Variants in RNF217 observed in about 807,000 individuals in gnomAD.
RNF217 encodes ring finger protein 217.
RNF217 carries 31 observed loss-of-function variants against 57.8 expected under a neutral mutation model. The observed-to-expected ratio is 0.54, with a 90% confidence interval of 0.40 to 0.72. The LOEUF is 0.72. Ranked by LOEUF, RNF217 falls within the 30% of genes least tolerant of loss-of-function variation. The pLI is 0.00. For missense variants in RNF217, 696 were observed against 708.3 expected (o/e 0.98, Z 0.20); for synonymous variants, 313 against 294.0 (o/e 1.06, Z -0.66).
At chr6:125,031,237 G>C (rs1486019327) in intron 1 of RNF217, among the ~76,000 whole-genome samples, 1 of 152,202 alleles carries the variant, frequency 6.6e-6, no homozygotes. Flanking sequence ...GTGATGCTAG[G>C]AGCTGCGATG....
At chr6:125,058,143 A>G (rs749108264) in intron 3 of RNF217, 37 bp downstream of exon 3, 4 of 1,575,756 alleles carry the variant, frequency 2.5e-6, no homozygotes, top group Non-Finnish European at 3.5e-6. Context: ...AAAAACATGT[A>G]CATCTGGATG....
rs181618367 is a variant in RNF217, at chr6:124,987,835, T to A, written c.882+24409T>A. On this transcript the variant is annotated intron_variant, in intron 1 of 5. Transcript: ENST00000521654. The stretch of plus-strand genomic sequence containing the variant: ...ACACTTGAATCTTGTGATTCAAATA[T>A]TAGTTGTTACAATGATTTTACTGCA... 2.4e-3 allele frequency among the ~76,000 whole-genome samples: 370 copies of A among 152,284 alleles called. 1 individual carries two copies. The highest frequency in any genetic ancestry group is 4.3e-3 in the Non-Finnish European group (291 of 68,016).
chr6:125,079,156 G>A (rs184155395), intron 4 of RNF217, among the ~76,000 whole-genome samples: 20 of 152,208 alleles, frequency 1.3e-4, no homozygotes, highest in African/African-American at 4.8e-4. Context: ...CAGAGGTTCT[G>A]CTCATAAATT....
intron 2 of RNF217, among the ~76,000 whole-genome samples, chr6:125,051,033 C>A (rs1466746613): frequency 6.6e-6 from 1 of 151,910 alleles, no homozygotes; most frequent in Non-Finnish European, 1.5e-5. Context: ...GTTAGCATTT[C>A]TTTCTTCAGT....
chr6:125,000,630 G>T (rs1205410419), intron 1 of RNF217, among the ~76,000 whole-genome samples: 1 of 151,932 alleles, frequency 6.6e-6, no homozygotes, highest in Non-Finnish European at 1.5e-5. Context: ...GTACATTTCA[G>T]ATTTGTATGC....
rs1418083806 is a variant in RNF217 at position 125,085,482 on chromosome 6, A to T, written c.*2545A>T. On this transcript the variant is annotated 3_prime_UTR_variant, in exon 6 of 6. Coordinates refer to ENST00000521654, the MANE Select transcript of RNF217 (RefSeq NM_001286398.3). Reference sequence around the variant, plus strand: ...TCAAGATCTTAAAAAGAGAGAAGAAAATAAAAAGTATTATTTATATGTCAG... The same window carrying T: ...TCAAGATCTTAAAAAGAGAGAAGAATATAAAAAGTATTATTTATATGTCAG... 1 of 151,920 alleles carries T rather than the reference A, an allele frequency of 6.6e-6. No homozygotes were observed. Among genetic ancestry groups the T allele is most frequent in the Non-Finnish European group, 1.5e-5 (1 of 67,860 alleles). 9.4% of individuals were successfully genotyped at this position (151,920 alleles called of 1,614,324 possible).
chr6:125,076,870 A>G lies in RNF217; in HGVS notation c.1483+12A>G. ...AGGGTCAGTCTGTGGTGAGTGTCTG[A>G]CATACTTATGGGTGTCTTCCCTGGG... On this transcript the variant is annotated intron_variant, in intron 4 of 5. Transcript: ENST00000521654. 1.9e-6 allele frequency: 3 copies of G among 1,606,802 alleles called. No homozygotes were observed. Among genetic ancestry groups the G allele is most frequent in the Non-Finnish European group, 2.6e-6 (3 of 1,173,626 alleles).
At chr6:125,015,775 T>C (rs2114382791) in intron 1 of RNF217, among the ~76,000 whole-genome samples, 1 of 152,126 alleles carries the variant, frequency 6.6e-6, no homozygotes, top group South Asian at 2.1e-4. Context: ...CACACACATA[T>C]GTAACATGTA....
chr6:125,005,339 G>A (rs571792642), intron 1 of RNF217, among the ~76,000 whole-genome samples: 1 of 152,252 alleles, frequency 6.6e-6, no homozygotes, highest in African/African-American at 2.4e-5. Context: ...AGACATCAAA[G>A]GATAAAAAAT....
chr6:124,987,553 G>A (rs920192612), intron 1 of RNF217, among the ~76,000 whole-genome samples: 5 of 152,160 alleles, frequency 3.3e-5, no homozygotes, highest in African/African-American at 1.2e-4. Context: ...AATGCTGTTG[G>A]AATGTTGAAA....
intron 3 of RNF217, among the ~76,000 whole-genome samples, chr6:125,066,885 G>C (rs1278510238): frequency 6.6e-6 from 1 of 152,144 alleles, no homozygotes; most frequent in East Asian, 1.9e-4. Flanking sequence ...ATGAGAATTT[G>C]TTGTGTGCCC....
chr6:125,032,818 GT>G (rs1205068008), intron 1 of RNF217, among the ~76,000 whole-genome samples: 2 of 152,140 alleles, frequency 1.3e-5, no homozygotes, highest in East Asian at 3.9e-4. Flanking sequence ...GGGAAGAAAA[GT>G]TTAAGTAATG....
chr6:125,036,940 GA>G (rs1786653542), intron 1 of RNF217, among the ~76,000 whole-genome samples: 1 of 149,410 alleles, frequency 6.7e-6, no homozygotes, highest in Non-Finnish European at 1.5e-5. Flanking sequence ...ATAACAGATG[GA>G]GAGGAAGTGG....
chr6:125,016,159 G>C (rs1188749817), intron 1 of RNF217, among the ~76,000 whole-genome samples: 1 of 152,144 alleles, frequency 6.6e-6, no homozygotes, highest in Non-Finnish European at 1.5e-5. Flanking sequence ...GTAAGCAAAC[G>C]TAACAACTTA....
Position 125,089,150 on chromosome 6 carries a change from G to A in RNF217, c.*6213G>A, listed in dbSNP as rs1788861850. The A allele has an allele frequency of 6.6e-6, 1 of 152,232 alleles. No individual in the cohort carries two copies. Among genetic ancestry groups the A allele is most frequent in the Non-Finnish European group, 1.5e-5 (1 of 68,034 alleles). 9.4% of individuals were successfully genotyped at this position (152,232 alleles called of 1,614,324 possible). A position where few individuals can be genotyped will look rare whatever the true frequency, so the allele number is the denominator to read the frequency against. On this transcript the variant is annotated 3_prime_UTR_variant, in exon 6 of 6. Coordinates refer to ENST00000521654, the MANE Select transcript of RNF217 (RefSeq NM_001286398.3). ...CTTTTCCCTCTTGATAGGAGTTGGA[G>A]AACACTGCCTAGCCCTCTGCCAAGA...
chr6:124,989,586 A>G (rs1006540369), intron 1 of RNF217, among the ~76,000 whole-genome samples: 2 of 152,198 alleles, frequency 1.3e-5, no homozygotes, highest in African/African-American at 4.8e-5. Context: ...AACAGTGCAT[A>G]AATGATGAGC....
chr6:124,997,496 G>A (rs1784798207), intron 1 of RNF217, among the ~76,000 whole-genome samples: 1 of 152,074 alleles, frequency 6.6e-6, no homozygotes, highest in South Asian at 2.1e-4. Flanking sequence ...TACTTCTTAG[G>A]CAAATCCGAA....
intron 1 of RNF217, among the ~76,000 whole-genome samples, chr6:124,984,541 CAAAAAAAAA>C (rs750251821): frequency 1.3e-5 from 1 of 74,232 alleles, no homozygotes; most frequent in Non-Finnish European, 2.8e-5. Context: ...GACCCTTTCT[CAAAAAAAAA>C]AAAAAAAAAA....
Position 125,084,062 on chromosome 6 carries a change from T to G in RNF217, c.*1125T>G, listed in dbSNP as rs557166264. On this transcript the variant is annotated 3_prime_UTR_variant, in exon 6 of 6. Transcript: ENST00000521654. The stretch of plus-strand genomic sequence containing the variant: ...TTCTGCTTTAGGTCAAGGTCTTACA[T>G]CATTTAATATCCTAACCTTGTTATC... The G allele has an allele frequency of 6.6e-6, 1 of 152,164 alleles. No homozygotes were observed. The highest frequency in any genetic ancestry group is 1.9e-4 in the East Asian group (1 of 5,176). The allele number at this position is 152,164 out of a possible 1,614,324, so 9.4% of individuals were successfully genotyped here. A position where few individuals can be genotyped will look rare whatever the true frequency, so the allele number is the denominator to read the frequency against.
Sources: gnomAD v4.1 joint callset for allele counts (sites outside exome capture counted in the v4.1 genomes callset) on GRCh38, gnomAD v4.1.1 for gene constraint, MANE v1.5 for transcripts, NCBI Gene and HGNC (gene_info 2026-07-23, HGNC 2026-07-21) for gene names.